PCDH11X: variants seen among roughly 807,000 people sequenced by gnomAD.
PCDH11X encodes protocadherin-11 X-linked.
Under a neutral mutation model 53.3 loss-of-function variants are expected in PCDH11X, and 18 were observed. The ratio of observed to expected loss-of-function variants is 0.34; its 90% CI spans 0.23 to 0.50. PCDH11X has a LOEUF of 0.50. Among genes scored for constraint, PCDH11X ranks in the 20% least tolerant of loss-of-function variants. PCDH11X has a pLI of 0.98. For synonymous variants in PCDH11X, 279 were observed against 393.3 expected, an observed-to-expected ratio of 0.71 and a Z score of 3.44; for missense variants, 570 against 1,032.4, an observed-to-expected ratio of 0.55 and a Z score of 6.14.
At chrX:91,920,190 C>G in intron 6 of PCDH11X, among the ~76,000 whole-genome samples, 1 of 111,198 alleles carries the variant, frequency 9.0e-6, no homozygotes, top group Non-Finnish European at 1.9e-5. Context: ...GATTTTTTCT[C>G]CAGAGCATGT....
chrX:92,075,886 C>G (rs1474476509), intron 6 of PCDH11X, among the ~76,000 whole-genome samples: 1 of 110,492 alleles, frequency 9.1e-6, no homozygotes, highest in African/African-American at 3.3e-5. Flanking sequence ...AAGCACAAAT[C>G]CTGCCTCAAA....
chrX:92,579,024 A>C (rs1379071610), intron 10 of PCDH11X, among the ~76,000 whole-genome samples: 2 of 108,563 alleles, frequency 1.8e-5, no homozygotes, highest in Non-Finnish European at 3.8e-5. Flanking sequence ...AGGCCAGATA[A>C]GAAATTCCGG....
chrX:92,143,364 A>G (rs1255593458), intron 6 of PCDH11X, among the ~76,000 whole-genome samples: 2 of 112,157 alleles, frequency 1.8e-5, no homozygotes, highest in Non-Finnish European at 3.8e-5. Flanking sequence ...ACAGGCCCAG[A>G]GGCCCAGAAG....
intron 6 of PCDH11X, among the ~76,000 whole-genome samples, chrX:91,925,987 T>C (rs1445968520): frequency 1.0e-4 from 11 of 106,422 alleles, no homozygotes; most frequent in African/African-American, 3.5e-4. Flanking sequence ...GTTGAGACAC[T>C]TAGAAGACTG....
At chrX:91,820,954 C>G (rs1281957904) in intron 4 of PCDH11X, among the ~76,000 whole-genome samples, 1 of 108,693 alleles carries the variant, frequency 9.2e-6, no homozygotes, top group East Asian at 2.8e-4. Context: ...GCTTGTTTTT[C>G]TCAAGTTTGT....
chrX:92,304,842 TTGAC>T (rs1302047058), intron 8 of PCDH11X, among the ~76,000 whole-genome samples: 2 of 112,641 alleles, frequency 1.8e-5, no homozygotes, highest in Non-Finnish European at 3.8e-5. Flanking sequence ...AACTGTTACT[TTGAC>T]TGATTCCTCT....
At chrX:92,045,926 G>A (rs1379256540) in intron 6 of PCDH11X, among the ~76,000 whole-genome samples, 1 of 101,902 alleles carries the variant, frequency 9.8e-6, no homozygotes, top group African/African-American at 3.7e-5. Flanking sequence ...GCAACAGAGC[G>A]AGACTCCATT....
intron 6 of PCDH11X, among the ~76,000 whole-genome samples, chrX:92,097,100 CCTCT>C (rs772201058): frequency 1.8e-5 from 2 of 110,955 alleles, no homozygotes; most frequent in Non-Finnish European, 3.8e-5. Context: ...TTTATTTTCT[CCTCT>C]AAGATTAGAA....
At chrX:91,933,957 C>T (rs1190901474) in intron 6 of PCDH11X, among the ~76,000 whole-genome samples, 5 of 109,857 alleles carry the variant, frequency 4.6e-5, no homozygotes, top group Middle Eastern at 4.7e-3. Flanking sequence ...ATGGCCCTTT[C>T]GTTGAATGTG....
At chrX:92,293,812 A>T (rs184602786) in intron 8 of PCDH11X, among the ~76,000 whole-genome samples, 1 of 95,069 alleles carries the variant, frequency 1.1e-5, no homozygotes, top group African/African-American at 4.9e-5. Flanking sequence ...GTCATCAAAA[A>T]CAAGGAAAAC....
chrX:92,532,587 T>C (rs1193851387), intron 10 of PCDH11X, among the ~76,000 whole-genome samples: 2 of 108,546 alleles, frequency 1.8e-5, no homozygotes, highest in African/African-American at 6.7e-5. Flanking sequence ...GATTTAATAA[T>C]ATATTAAAAG....
intron 6 of PCDH11X, among the ~76,000 whole-genome samples, chrX:92,142,032 ATAAAT>A (rs1052589190): frequency 5.4e-5 from 6 of 111,810 alleles, no homozygotes; most frequent in Admixed American, 9.6e-5. Flanking sequence ...TGTACATTGT[ATAAAT>A]TAAGTTGGAT....
intron 6 of PCDH11X, among the ~76,000 whole-genome samples, chrX:91,937,007 T>C (rs1333850441): frequency 9.1e-6 from 1 of 110,058 alleles, no homozygotes; most frequent in Non-Finnish European, 1.9e-5. Context: ...ATAATCACCT[T>C]TAAGATTCTG....
chrX:92,014,736 G>T (rs1377152662), intron 6 of PCDH11X, among the ~76,000 whole-genome samples: 1 of 111,660 alleles, frequency 9.0e-6, no homozygotes, highest in East Asian at 2.8e-4. Flanking sequence ...TCCTTTGTAG[G>T]GACATGGTTG....
intron 6 of PCDH11X, among the ~76,000 whole-genome samples, chrX:92,055,604 G>C (rs904337650): frequency 1.8e-5 from 2 of 110,284 alleles, no homozygotes; most frequent in African/African-American, 6.6e-5. Flanking sequence ...GTGCAGGTTT[G>C]TAACATAGGT....
At position 92,304,200 on chromosome X, in the gene PCDH11X, G is replaced by A. The variant is rs1201001298; in HGVS notation, c.3144+41057G>A. ...TTCCTAATTTAGCTATAAACTTAAT[G>A]TTAACCAAAATAAATAAATTTTATT... On this transcript the variant is annotated intron_variant, in intron 8 of 10. Coordinates refer to ENST00000682573, the MANE Select transcript of PCDH11X (RefSeq NM_032968.5). 7.5e-4 allele frequency among the ~76,000 whole-genome samples: 80 copies of A among 106,897 alleles called. No individual in the cohort carries two copies. The Admixed American group carries it at 7.5e-3, about 10-fold the overall frequency. 92.8% of individuals were successfully genotyped at this position (106,897 alleles called of 115,157 possible).
intron 8 of PCDH11X, among the ~76,000 whole-genome samples, chrX:92,267,856 C>T (rs1042368218): frequency 3.6e-5 from 4 of 112,062 alleles, no homozygotes; most frequent in Non-Finnish European, 5.6e-5. Context: ...TGGTGGAAGG[C>T]ATCACATGGT....
chrX:91,833,692 C>G (rs1399301724), intron 4 of PCDH11X, among the ~76,000 whole-genome samples: 1 of 111,761 alleles, frequency 8.9e-6, no homozygotes, highest in African/African-American at 3.2e-5. Context: ...GCAACAGATG[C>G]ATTTATTTGA....
intron 5 of PCDH11X, among the ~76,000 whole-genome samples, chrX:91,876,134 G>A (rs2147726889): frequency 9.0e-6 from 1 of 111,697 alleles, no homozygotes; most frequent in East Asian, 2.8e-4. Context: ...AACATTGTGT[G>A]TTCTCACTGA....
Sources: allele counts gnomAD v4.1 joint callset (sites outside exome capture counted in the v4.1 genomes callset), GRCh38; gene constraint gnomAD v4.1.1; transcripts MANE v1.5; gene names NCBI Gene and HGNC (gene_info 2026-07-23, HGNC 2026-07-21).